The following TASOR2 variants were observed in gnomAD, a reference collection of about 807,000 sequenced individuals.
TASOR2 encodes the protein transcription activation suppressor family member 2, also known as protein TASOR 2.
A neutral mutation model predicts 199.5 loss-of-function variants in TASOR2; 84 were observed. The ratio of observed to expected loss-of-function variants is 0.42; its 90% confidence interval spans 0.35 to 0.50. The LOEUF (loss-of-function observed/expected upper bound fraction) is 0.50. Among genes scored for constraint, TASOR2 ranks in the 20% least tolerant of loss-of-function variants. TASOR2 has a pLI of 0.02. For synonymous variants in TASOR2, 1,103 were observed against 1,046.6 expected (o/e 1.05, Z -1.04); for missense variants, 2,796 against 2,835.9 (o/e 0.99, Z 0.32).
At chr10:5,725,559 G>A (rs1833951601) in intron 8 of TASOR2, among the ~76,000 whole-genome samples, 1 of 151,992 alleles carries the variant, frequency 6.6e-6, no homozygotes, top group Non-Finnish European at 1.5e-5. Flanking sequence ...TTGAGGCCAG[G>A]AGTTTGAGAC....
rs1235185529 is a variant in TASOR2 at position 5,689,330 on chromosome 10, G to A, written c.-288+4155G>A. Among the ~76,000 whole-genome samples the A allele has an allele frequency of 2.0e-5, 3 of 152,220 alleles. No homozygotes were observed. The highest frequency in any genetic ancestry group is 2.1e-4 in the South Asian group (1 of 4,822). Reference sequence around the variant, plus strand: ...TAACTTGTATGTATTGGCCGGGTGCGGTGGCTCACGCCTGTAATCCCAGCA... The same window carrying A: ...TAACTTGTATGTATTGGCCGGGTGCAGTGGCTCACGCCTGTAATCCCAGCA... On this transcript the variant is annotated intron_variant, in intron 1 of 20. Coordinates refer to ENST00000328090, the Ensembl canonical transcript of TASOR2. The surrounding 1 kb of genome is among the most constrained non-coding windows in gnomAD (Gnocchi z 4.1).
At chr10:5,707,359 C>T (rs1287418092) in intron 1 of TASOR2, among the ~76,000 whole-genome samples, 1 of 152,040 alleles carries the variant, frequency 6.6e-6, no homozygotes, top group Admixed American at 6.6e-5. Context: ...ATGAGGCAGC[C>T]CCCAGGTTAG....
In TASOR2 at chr10:5,730,841, T is replaced by C; in HGVS notation, c.842T>C (p.Leu281Pro). ...GAAGTGTCTACTGCTTTGGACTTGCTAGCAGAGCATCCTCAGTCTCCTTGT... is the reference window on the plus strand; with the variant it reads ...GAAGTGTCTACTGCTTTGGACTTGCCAGCAGAGCATCCTCAGTCTCCTTGT... The change falls in exon 11 of 21, where the codon CTA becomes CCA. Residue 281 changes from leucine (L) to proline (P), a missense_variant. By Grantham distance (98) the Leu-to-Pro change is moderately conservative. Coordinates refer to ENST00000328090, the Ensembl canonical transcript of TASOR2. The surrounding 1 kb of genome is among the most constrained non-coding windows in gnomAD (Gnocchi z 4.1). 1.2e-6 allele frequency: 2 copies of C among 1,614,254 alleles called. No individual in the cohort carries two copies. Among genetic ancestry groups the C allele is most frequent in the Non-Finnish European group, 8.5e-7 (1 of 1,180,042 alleles).
At chr10:5,731,810 G>C (rs186675138) in intron 11 of TASOR2, among the ~76,000 whole-genome samples, 6 of 152,286 alleles carry the variant, frequency 3.9e-5, no homozygotes, top group African/African-American at 1.4e-4. Flanking sequence ...CAACCATCTA[G>C]TTTCTGTGCC....
chr10:5,695,455 G>A (rs1279605371), intron 1 of TASOR2, among the ~76,000 whole-genome samples: 1 of 152,146 alleles, frequency 6.6e-6, no homozygotes, highest in Non-Finnish European at 1.5e-5. Flanking sequence ...GTATTGATTT[G>A]GTGTGTAATT....
chr10:5,714,400 T>C (rs1832336602), intron 2 of TASOR2, 193 bp downstream of exon 3: 1 of 374,844 alleles, frequency 2.7e-6, no homozygotes, highest in Non-Finnish European at 4.7e-6. Context: ...TATTTTTCAG[T>C]GTCAAGAGAT....
chr10:5,723,919 G>T, intron 7 of TASOR2, 142 bp downstream of exon 8: 1 of 475,452 alleles, frequency 2.1e-6, no homozygotes. Flanking sequence ...AAGCTGTAGA[G>T]TTACTATTTT....
rs1404007953 is a variant in TASOR2, at chr10:5,719,174, A to G, written c.-99-1370A>G. On this transcript the variant is annotated intron_variant, in intron 3 of 20. Coordinates refer to ENST00000328090, the Ensembl canonical transcript of TASOR2. The surrounding 1 kb of genome is among the most constrained non-coding windows in gnomAD (Gnocchi z 4.1). ...ACATCTTCTTTTTTAAAAAGTAACTATATTCTTCTTATAAAAATTAAAATT... is the reference window on the plus strand; with the variant it reads ...ACATCTTCTTTTTTAAAAAGTAACTGTATTCTTCTTATAAAAATTAAAATT... Among the ~76,000 whole-genome samples the G allele has an allele frequency of 6.7e-6, 1 of 149,690 alleles. No individual in the cohort carries two copies. Among genetic ancestry groups the G allele is most frequent in the Non-Finnish European group, 1.5e-5 (1 of 68,004 alleles).
chr10:5,761,430 A>G, exon 19 of TASOR2: 1 of 1,613,500 alleles, frequency 6.2e-7, no homozygotes, highest in Non-Finnish European at 8.5e-7. Context: ...CTAAACCTGC[A>G]AATTCAGCAT....
At chr10:5,716,688 G>A (rs962449630) in intron 2 of TASOR2, among the ~76,000 whole-genome samples, 7 of 152,016 alleles carry the variant, frequency 4.6e-5, no homozygotes, top group African/African-American at 7.2e-5. Flanking sequence ...GCCACGGCAG[G>A]TGTATCCCTT....
intron 19 of TASOR2, 101 bp downstream of exon 20, chr10:5,761,572 C>T (rs1839840052): frequency 2.0e-6 from 2 of 1,014,250 alleles, no homozygotes; most frequent in African/African-American, 3.2e-5. Context: ...ATCTAAATGG[C>T]TTGGCATCCC....
chr10:5,688,170 C>T (rs1189835313), intron 1 of TASOR2, among the ~76,000 whole-genome samples: 1 of 152,106 alleles, frequency 6.6e-6, no homozygotes, highest in Non-Finnish European at 1.5e-5. Flanking sequence ...ATAATCTTTT[C>T]AGATGATTAT....
At position 5,690,650 on chromosome 10, in the gene TASOR2, A is replaced by G. The variant is rs1836317101; in HGVS notation, c.-288+5475A>G. Among the ~76,000 whole-genome samples, 1 of 152,186 alleles carries G rather than the reference A, an allele frequency of 6.6e-6. No homozygotes were observed. The highest frequency in any genetic ancestry group is 6.5e-5 in the Admixed American group (1 of 15,268). On this transcript the variant is annotated intron_variant, in intron 1 of 20. Transcript: ENST00000328090. This position sits in a 1 kb window ranked among gnomAD's most constrained non-coding sequence, Gnocchi z 4.8. ...ACCCAAAAGTGGGTCTTGAAATATAATTGTTTCTGAGAGGAACTTATTCTC... is the reference window on the plus strand; with the variant it reads ...ACCCAAAAGTGGGTCTTGAAATATAGTTGTTTCTGAGAGGAACTTATTCTC...
exon 15 of TASOR2, chr10:5,746,877 A>G: frequency 6.2e-7 from 1 of 1,614,240 alleles, no homozygotes; most frequent in Non-Finnish European, 8.5e-7. Context: ...TCTCTCTACC[A>G]TCTGATAAAA....
intron 1 of TASOR2, among the ~76,000 whole-genome samples, chr10:5,702,981 G>A (rs1234473148): frequency 6.6e-6 from 1 of 152,162 alleles, no homozygotes; most frequent in Non-Finnish European, 1.5e-5. Context: ...CAAAGAACAT[G>A]TGAGCCAAAT....
chr10:5,712,490 T>A lies in TASOR2; in HGVS notation c.-287-333T>A, dbSNP rs944617101. ...TTGGACTCTTCATCTGAGCATGGTT[T>A]TCAGTACAGTCAAGTGACTTTGGTG... On this transcript the variant is annotated intron_variant, in intron 1 of 20. Transcript: ENST00000328090. The A allele has an allele frequency of 4.1e-6, 5 of 1,231,666 alleles. No homozygotes were observed. In the African/African-American group the frequency reaches 7.8e-5, roughly 19 times the overall value. 76.3% of individuals were successfully genotyped at this position (1,231,666 alleles called of 1,614,324 possible).
At chr10:5,749,916 G>A in exon 15 of TASOR2, 1 of 1,614,192 alleles carries the variant, frequency 6.2e-7, no homozygotes, top group Non-Finnish European at 8.5e-7. Flanking sequence ...TCATAGACGT[G>A]TGCACCAATT....
At chr10:5,761,162 G>A in intron 18 of TASOR2, 128 bp from the exon 20 acceptor site, 1 of 735,136 alleles carries the variant, frequency 1.4e-6, no homozygotes, top group Non-Finnish European at 2.2e-6. Flanking sequence ...ACCAAAGTGT[G>A]TCATGAAAAA....
In TASOR2 at chr10:5,687,640, T is replaced by C. The variant is rs4748112; in HGVS notation, c.-288+2465T>C. Among the ~76,000 whole-genome samples, 143,406 of 152,268 alleles carry C rather than the reference T, an allele frequency of 0.94. 67,593 individuals are homozygous for C. The highest frequency in any genetic ancestry group is 0.96 in the Non-Finnish European group (65,024 of 68,020). On this transcript the variant is annotated intron_variant, in intron 1 of 20. Transcript: ENST00000328090. The surrounding 1 kb of genome is among the most constrained non-coding windows in gnomAD (Gnocchi z 4.8). The stretch of plus-strand genomic sequence containing the variant: ...TTAGGGACCAGCCTGGCCAACATGG[T>C]GAAACACCATCTCTACTAAAAATAC...
Sources: gnomAD v4.1 joint callset for allele counts (sites outside exome capture counted in the v4.1 genomes callset) on GRCh38, gnomAD v4.1.1 for gene constraint, Gnocchi (gnomAD v3.1) non-coding constraint, MANE v1.5 for transcripts, NCBI Gene and HGNC (gene_info 2026-07-23, HGNC 2026-07-21) for gene names.